Variants in GPC6 observed in about 807,000 individuals in gnomAD.
GPC6 encodes glypican-6.
GPC6 carries 14 observed loss-of-function variants against 55.2 expected under a neutral mutation model. That is an observed-to-expected ratio of 0.25 (90% CI 0.17 to 0.40). GPC6 has a LOEUF of 0.40. Ranked by LOEUF, GPC6 falls within the 10% of genes least tolerant of loss-of-function variation. The probability of loss-of-function intolerance (pLI) is 1.00; values close to 1 mark genes in which losing one functional copy is unlikely to be tolerated. For missense variants in GPC6, 641 were observed against 708.5 expected, an observed-to-expected ratio of 0.90 and a Z score of 1.08; for synonymous variants, 278 against 259.6, an observed-to-expected ratio of 1.07 and a Z score of -0.68.
At position 94,403,224 on chromosome 13, in the gene GPC6, G is replaced by C. The variant is rs758140857; in HGVS notation, c.*7G>C. 1.6e-5 allele frequency: 26 copies of C among 1,606,574 alleles called. No individual in the cohort carries two copies. In the South Asian group the frequency reaches 2.5e-4, roughly 16 times the overall value. ...GCAGAGACTGTGCAGATAATCTTGG[G>C]TTTTTGGTCAGATGAAACTGCATTT... On this transcript the variant is annotated 3_prime_UTR_variant, in exon 9 of 9. Transcript: ENST00000377047.
chr13:93,849,280 G>A (rs1205805530), intron 3 of GPC6, among the ~76,000 whole-genome samples: 1 of 151,996 alleles, frequency 6.6e-6, no homozygotes, highest in African/African-American at 2.4e-5. Flanking sequence ...ATTGTAAATA[G>A]TGCCCTGCCT....
At chr13:93,379,082 C>G (rs959011511) in intron 1 of GPC6, among the ~76,000 whole-genome samples, 2 of 151,944 alleles carry the variant, frequency 1.3e-5, no homozygotes, top group Admixed American at 1.3e-4. Flanking sequence ...GAATGACTTT[C>G]TAACAAGGTA....
intron 4 of GPC6, among the ~76,000 whole-genome samples, chr13:94,253,776 T>A (rs1283359054): frequency 6.6e-6 from 1 of 152,142 alleles, no homozygotes; most frequent in Admixed American, 6.5e-5. Flanking sequence ...CAAAATGATA[T>A]CTTACTCTTT....
chr13:93,747,850 A>G (rs987846360), intron 2 of GPC6, among the ~76,000 whole-genome samples: 2 of 152,100 alleles, frequency 1.3e-5, no homozygotes, highest in Non-Finnish European at 2.9e-5. Flanking sequence ...ATTGTAACTC[A>G]AGGAGCCTCT....
At chr13:93,582,557 G>A (rs966904028) in intron 2 of GPC6, among the ~76,000 whole-genome samples, 2 of 152,126 alleles carry the variant, frequency 1.3e-5, no homozygotes, top group Admixed American at 6.6e-5. Context: ...TTCATAGGAG[G>A]GACATAATCT....
chr13:93,618,233 A>G (rs949295832), intron 2 of GPC6, among the ~76,000 whole-genome samples: 1 of 152,122 alleles, frequency 6.6e-6, no homozygotes, highest in Non-Finnish European at 1.5e-5. Flanking sequence ...ATATTTATGT[A>G]TGTATGTGTT....
intron 2 of GPC6, among the ~76,000 whole-genome samples, chr13:93,786,908 C>T (rs1373754914): frequency 1.3e-5 from 2 of 152,186 alleles, no homozygotes. Context: ...GTCTGCATCT[C>T]CTCAGATTTT....
chr13:94,215,992 C>CTTTTGAT (rs1480980577), intron 4 of GPC6, among the ~76,000 whole-genome samples: 104 of 48,866 alleles, frequency 2.1e-3, no homozygotes, highest in African/African-American at 7.5e-3. Flanking sequence ...GTTTTTTAGA[C>CTTTTGAT]GTTAGTTCCT....
At chr13:93,372,856 A>G (rs1169419459) in intron 1 of GPC6, among the ~76,000 whole-genome samples, 1 of 152,156 alleles carries the variant, frequency 6.6e-6, no homozygotes, top group African/African-American at 2.4e-5. Flanking sequence ...ATATAATGAG[A>G]AAATTGTTCT....
chr13:94,113,980 G>A (rs1432976373), intron 4 of GPC6, among the ~76,000 whole-genome samples: 1 of 136,798 alleles, frequency 7.3e-6, no homozygotes, highest in Non-Finnish European at 1.5e-5. Flanking sequence ...TCTCGCCACT[G>A]CACTCCAGCC....
At chr13:93,442,908 C>T (rs149201912) in intron 1 of GPC6, among the ~76,000 whole-genome samples, 5 of 152,146 alleles carry the variant, frequency 3.3e-5, no homozygotes, top group Admixed American at 6.5e-5. Flanking sequence ...TAACATTATA[C>T]CAGCATTTCA....
chr13:94,307,260 C>G (rs1875995369), intron 6 of GPC6, among the ~76,000 whole-genome samples: 1 of 152,112 alleles, frequency 6.6e-6, no homozygotes, highest in Non-Finnish European at 1.5e-5. Flanking sequence ...ATAAAACCTT[C>G]TCTCTAGTGT....
intron 1 of GPC6, among the ~76,000 whole-genome samples, chr13:93,509,527 A>G (rs150478649): frequency 8.5e-5 from 13 of 152,330 alleles, no homozygotes; most frequent in African/African-American, 3.1e-4. Context: ...TGAGTAAACC[A>G]AATGCCTTCC....
intron 6 of GPC6, among the ~76,000 whole-genome samples, chr13:94,352,418 C>T (rs1432527894): frequency 2.0e-5 from 3 of 152,158 alleles, no homozygotes; most frequent in Admixed American, 6.5e-5. Flanking sequence ...ATCCCTGGGC[C>T]CCCATGTCTG....
chr13:93,763,935 T>G (rs1276608056), intron 2 of GPC6, among the ~76,000 whole-genome samples: 1 of 152,156 alleles, frequency 6.6e-6, no homozygotes, highest in African/African-American at 2.4e-5. Flanking sequence ...TTGCATAGAA[T>G]GTCAGGAAAC....
chr13:93,370,532 CAG>C (rs1881411459), intron 1 of GPC6, among the ~76,000 whole-genome samples: 1 of 152,018 alleles, frequency 6.6e-6, no homozygotes, highest in Non-Finnish European at 1.5e-5. Flanking sequence ...GTTAAATAAT[CAG>C]AAATCTAGAT....
At chr13:94,107,214 A>G (rs953544978) in intron 4 of GPC6, among the ~76,000 whole-genome samples, 2 of 152,150 alleles carry the variant, frequency 1.3e-5, no homozygotes, top group African/African-American at 4.8e-5. Flanking sequence ...AGCTGATCCA[A>G]TTTTAGGTGA....
At chr13:94,389,656 A>G (rs923498593) in intron 7 of GPC6, among the ~76,000 whole-genome samples, 14 of 152,216 alleles carry the variant, frequency 9.2e-5, no homozygotes, top group Non-Finnish European at 1.6e-4. Context: ...AAAGGAGAGT[A>G]TGACAGACAA....
At chr13:94,211,987 T>A (rs965642650) in intron 4 of GPC6, among the ~76,000 whole-genome samples, 1 of 152,196 alleles carries the variant, frequency 6.6e-6, no homozygotes, top group African/African-American at 2.4e-5. Context: ...AAGTGAACAT[T>A]AAATTCTCTC....
Sources: gnomAD v4.1 joint callset for allele counts (sites outside exome capture counted in the v4.1 genomes callset) on GRCh38, gnomAD v4.1.1 for gene constraint, MANE v1.5 for transcripts, NCBI Gene and HGNC (gene_info 2026-07-23, HGNC 2026-07-21) for gene names.